Variants in NFATC1 observed in about 807,000 individuals in gnomAD.
NFATC1 encodes the protein nuclear factor of activated T-cells, cytoplasmic 1.
NFATC1 carries 22 observed loss-of-function variants against 76.0 expected under a neutral mutation model. The observed-to-expected ratio is 0.29, with a 90% CI of 0.21 to 0.41. The LOEUF is 0.41. Ranked by LOEUF, NFATC1 falls within the 10% of genes least tolerant of loss-of-function variation. NFATC1 has a pLI of 1.00. For missense variants in NFATC1, 1,357 were observed against 1,337.7 expected (o/e 1.01, Z -0.23); for synonymous variants, 704 against 613.1 (o/e 1.15, Z -2.19).
At chr18:79,462,996 G>A (rs143894304) in intron 7 of NFATC1, among the ~76,000 whole-genome samples, 1 of 152,196 alleles carries the variant, frequency 6.6e-6, no homozygotes, top group Non-Finnish European at 1.5e-5. Flanking sequence ...CATGGAGAGC[G>A]GTGCTGGCAC....
intron 3 of NFATC1, among the ~76,000 whole-genome samples, chr18:79,445,366 C>A (rs1203950003): frequency 6.6e-6 from 1 of 152,186 alleles, no homozygotes; most frequent in Non-Finnish European, 1.5e-5. Flanking sequence ...CTGATGCCTT[C>A]CTTCTCGTGC....
At chr18:79,457,629 A>C (rs545454915) in intron 6 of NFATC1, among the ~76,000 whole-genome samples, 12 of 152,314 alleles carry the variant, frequency 7.9e-5, no homozygotes, top group Admixed American at 7.2e-4. Context: ...TGGTGGCTTC[A>C]CATAATTATG....
At chr18:79,453,526 T>TG in intron 6 of NFATC1, among the ~76,000 whole-genome samples, 1 of 152,334 alleles carries the variant, frequency 6.6e-6, no homozygotes, top group Non-Finnish European at 1.5e-5. Context: ...CTGTGAGCTG[T>TG]GGGGTCAGCA....
At chr18:79,479,370 T>C (rs2089195071) in intron 8 of NFATC1, among the ~76,000 whole-genome samples, 1 of 150,694 alleles carries the variant, frequency 6.6e-6, no homozygotes, top group Non-Finnish European at 1.5e-5. Context: ...ACTGGGCCTG[T>C]GCGGCCCCCC....
rs1568994839 is a variant in NFATC1 at position 79,464,707 on chromosome 18, TTTA to T, written c.1960-2740_1960-2738del. Among the ~76,000 whole-genome samples the T allele has an allele frequency of 2.2e-4, 26 of 117,314 alleles. 1 individual carries two copies. Among genetic ancestry groups the T allele is most frequent in the Non-Finnish European group, 3.0e-4 (18 of 59,598 alleles). 77.0% of individuals were successfully genotyped at this position (117,314 alleles called of 152,430 possible). On this transcript the variant is annotated intron_variant, in intron 7 of 9. Transcript: ENST00000427363. ...GTATATATATATATTTATTTATTTA[TTTA>T]TTTTTTTTTTTTTGAGACAGGGTCT... is the stretch of plus-strand genomic sequence containing the variant.
chr18:79,467,391 C>T (rs906521767), intron 7 of NFATC1, 59 bp from the exon 8 acceptor site: 16 of 1,448,450 alleles, frequency 1.1e-5, no homozygotes, highest in African/African-American at 1.0e-4. Flanking sequence ...GCCGCCGTGG[C>T]GCGGCAGCCA....
Position 79,396,273 on chromosome 18 carries a change from G to A in NFATC1, c.49G>A (p.Ala17Thr), listed in dbSNP as rs773604881. 1.4e-6 allele frequency: 2 copies of A among 1,477,904 alleles called. No individual in the cohort carries two copies. The highest frequency in any genetic ancestry group is 4.2e-5 in the Admixed American group (2 of 47,572). 91.5% of individuals were successfully genotyped at this position (1,477,904 alleles called of 1,614,324 possible). A position where few individuals can be genotyped will look rare whatever the true frequency, so the allele number is the denominator to read the frequency against. Residue 17 changes from alanine (A) to threonine (T), a missense_variant, in exon 1 of 10, where the codon GCG (alanine) becomes ACG (threonine). Transcript: ENST00000427363. ...CCCTTCCAAGTTTCCACTTGGCCCTGCGGCTGCGGTCTTCGGGAGAGGAGA... is the reference window on the plus strand; with the variant it reads ...CCCTTCCAAGTTTCCACTTGGCCCTACGGCTGCGGTCTTCGGGAGAGGAGA... ...PVPSKFPLGP[A>T]AAVFGRGETL...
intron 2 of NFATC1, among the ~76,000 whole-genome samples, chr18:79,425,217 CTCTCTGTT>C (rs1157064267): frequency 7.0e-6 from 1 of 142,432 alleles, no homozygotes; most frequent in African/African-American, 2.8e-5. Context: ...CTGTCTCTGT[CTCTCTGTT>C]TCTCTCCCTG....
chr18:79,489,572 C>T (rs1016080847), intron 9 of NFATC1, among the ~76,000 whole-genome samples: 5 of 152,204 alleles, frequency 3.3e-5, no homozygotes, highest in Admixed American at 2.0e-4. Flanking sequence ...CAGTTCCCAG[C>T]GGGCCTCTCT....
chr18:79,499,875 C>T (rs1310186572), intron 9 of NFATC1, among the ~76,000 whole-genome samples: 4 of 152,078 alleles, frequency 2.6e-5, no homozygotes, highest in African/African-American at 9.7e-5. Flanking sequence ...TTACTAGAAA[C>T]AATGAACTGT....
Position 79,410,162 on chromosome 18 carries a change from G to A in NFATC1, c.128-241G>A. ...GTTCGGGGGCTTGTGCTGCTGTTAG[G>A]GGAGGAGGGGAGGTGGGCAGTGAGG... On this transcript the variant is annotated intron_variant, in intron 1 of 9. Coordinates refer to ENST00000427363, the MANE Select transcript of NFATC1 (RefSeq NM_001278669.2). The surrounding 1 kb of genome is among the most constrained non-coding windows in gnomAD (Gnocchi z 6.7). The A allele has an allele frequency of 2.6e-6, 2 of 758,860 alleles. No homozygotes were observed. The highest frequency in any genetic ancestry group is 2.5e-5 in the East Asian group (1 of 40,602). 47.0% of individuals were successfully genotyped at this position (758,860 alleles called of 1,614,324 possible).
intron 1 of NFATC1, 69 bp downstream of exon 1, chr18:79,396,420 C>T: frequency 1.9e-6 from 2 of 1,031,838 alleles, no homozygotes; most frequent in Non-Finnish European, 2.4e-6. Context: ...CCCCCCGACC[C>T]CGCCCCCGTC....
chr18:79,439,766 C>T (rs952353629), intron 3 of NFATC1, among the ~76,000 whole-genome samples: 1 of 152,134 alleles, frequency 6.6e-6, no homozygotes, highest in Non-Finnish European at 1.5e-5. Context: ...CGAGGATTCA[C>T]CATTTATTTC....
rs1429792250 is a variant in NFATC1 at position 79,410,849 on chromosome 18, A to T, written c.574A>T (p.Asn192Tyr). 6.2e-7 allele frequency: 1 copy of T among 1,610,602 alleles called. No individual in the cohort carries two copies. The highest frequency in any genetic ancestry group is 8.5e-7 in the Non-Finnish European group (1 of 1,179,006). Residue 192 changes from asparagine (N) to tyrosine (Y), a missense_variant, in exon 2 of 10, where the codon AAC becomes TAC. Physicochemically the swap from Asn to Tyr is moderately radical, Grantham distance 143 (BLOSUM62 -2). Coordinates refer to ENST00000427363, the MANE Select transcript of NFATC1 (RefSeq NM_001278669.2). The surrounding 1 kb of genome is among the most constrained non-coding windows in gnomAD (Gnocchi z 6.7). The part of the protein sequence containing the change: ...CNSEASSYES[N>Y]YSYPYASPQT... ...CTCAGAGGCCTCCTCCTACGAGTCC[A>T]ACTACTCGTACCCGTACGCGTCCCC...
chr18:79,418,431 C>T (rs909741754), intron 2 of NFATC1, among the ~76,000 whole-genome samples: 1 of 152,342 alleles, frequency 6.6e-6, no homozygotes, highest in South Asian at 2.1e-4. Context: ...GGAGACCTGG[C>T]GAGCTCAGCC....
rs776569563 is a variant in NFATC1 at position 79,486,582 on chromosome 18, G to A, written c.2427G>A (p.Thr809=). 1.3e-5 allele frequency: 21 copies of A among 1,590,382 alleles called. No individual in the cohort carries two copies. Among genetic ancestry groups the A allele is most frequent in the South Asian group, 4.4e-5 (4 of 89,910 alleles). The change falls in exon 9 of 10, where the codon ACG becomes ACA. Residue 809 remains threonine, a synonymous_variant. Coordinates refer to ENST00000427363, the MANE Select transcript of NFATC1 (RefSeq NM_001278669.2). ...AVQDVPRPVA[T]HPGSPGQPPP... The stretch of plus-strand genomic sequence containing the variant: ...AGGACGTGCCCAGGCCAGTGGCCAC[G>A]CACCCCGGCTCGCCCGGGCAGCCAC...
At chr18:79,467,932 C>A (rs2088600847) in intron 8 of NFATC1, 2 of 1,073,260 alleles carry the variant, frequency 1.9e-6, no homozygotes, top group Non-Finnish European at 1.1e-6. Context: ...AAGCTGCTTA[C>A]GGTGAAAAGG....
intron 1 of NFATC1, among the ~76,000 whole-genome samples, chr18:79,400,810 T>TGTTCCCTCC (rs2085188015): frequency 2.2e-4 from 1 of 4,488 alleles, no homozygotes; most frequent in Non-Finnish European, 3.9e-4. Context: ...CGTCCCGCCC[T>TGTTCCCTCC]CCCGACCTCC....
chr18:79,440,465 G>A (rs571935004), intron 3 of NFATC1, among the ~76,000 whole-genome samples: 11 of 152,356 alleles, frequency 7.2e-5, no homozygotes, highest in East Asian at 1.9e-4. Context: ...GGGAGGCGGC[G>A]CCCTGGCAGC....
Sources: allele counts gnomAD v4.1 joint callset (sites outside exome capture counted in the v4.1 genomes callset), GRCh38; gene constraint gnomAD v4.1.1; non-coding constraint Gnocchi (gnomAD v3.1); transcripts MANE v1.5; gene names NCBI Gene and HGNC (gene_info 2026-07-23, HGNC 2026-07-21).